The following CAST variants were observed in gnomAD, a reference collection of about 807,000 sequenced individuals.
CAST encodes the protein MIR583 host.
Under a neutral mutation model 119.6 loss-of-function variants are expected in CAST, and 76 were observed. That is an observed-to-expected ratio of 0.64 (90% CI 0.53 to 0.77). The LOEUF (loss-of-function observed/expected upper bound fraction) is 0.77, where lower values mean the gene tolerates loss of function less well. Ranked by LOEUF, CAST falls within the 30% of genes least tolerant of loss-of-function variation. CAST has a pLI of 0.00. For missense variants in CAST, 953 were observed against 946.5 expected (o/e 1.01, Z -0.09); for synonymous variants, 319 against 331.6 (o/e 0.96, Z 0.41).
chr5:96,470,580 CAA>C, the CAST span, among the ~76,000 whole-genome samples: 1 of 152,082 alleles, frequency 6.6e-6, no homozygotes, highest in South Asian at 2.1e-4. Context: ...AACTGGTCTT[CAA>C]AGTAGAATAC....
chr5:96,047,900 T>A, the CAST span, among the ~76,000 whole-genome samples: 28 of 152,154 alleles, frequency 1.8e-4, no homozygotes, highest in African/African-American at 6.3e-4. Flanking sequence ...AGGAAGAAGG[T>A]AGTAAAGAAC....
intron 1 of CAST, among the ~76,000 whole-genome samples, chr5:96,576,148 A>G (rs188203783): frequency 6.8e-4 from 104 of 152,296 alleles, no homozygotes; most frequent in African/African-American, 2.4e-3. Flanking sequence ...GTCTAATTTC[A>G]TAACAGATAT....
At chr5:96,703,079 G>C (rs1561490737) in intron 3 of CAST, among the ~76,000 whole-genome samples, 1 of 152,144 alleles carries the variant, frequency 6.6e-6, no homozygotes, top group Non-Finnish European at 1.5e-5. Flanking sequence ...TGGCGATACC[G>C]TGCGTTCTGA....
the CAST span, among the ~76,000 whole-genome samples, chr5:95,963,513 T>C: frequency 6.6e-6 from 1 of 152,254 alleles, no homozygotes; most frequent in African/African-American, 2.4e-5. Flanking sequence ...TCATTTACTT[T>C]AGTGATACAG....
At chr5:96,121,005 TAA>T in the CAST span, among the ~76,000 whole-genome samples, 1 of 152,040 alleles carries the variant, frequency 6.6e-6, no homozygotes, top group Non-Finnish European at 1.5e-5. Flanking sequence ...CCACCTTGTT[TAA>T]AAAGTCAAGA....
At chr5:96,239,461 G>A in the CAST span, among the ~76,000 whole-genome samples, 1 of 151,842 alleles carries the variant, frequency 6.6e-6, no homozygotes, top group Non-Finnish European at 1.5e-5. Flanking sequence ...TTTTTTGGGG[G>A]GAGTATAAAC....
intron 17 of CAST, among the ~76,000 whole-genome samples, chr5:96,746,898 G>C (rs933193589): frequency 6.6e-6 from 1 of 152,094 alleles, no homozygotes; most frequent in Non-Finnish European, 1.5e-5. Flanking sequence ...ATTTACTTTT[G>C]AAATCATGCA....
At chr5:96,696,622 G>C (rs1753319422) in intron 3 of CAST, among the ~76,000 whole-genome samples, 1 of 146,946 alleles carries the variant, frequency 6.8e-6, no homozygotes, top group Non-Finnish European at 1.5e-5. Context: ...GGATCACCAG[G>C]AGGATCACTT....
At chr5:96,305,066 T>G in the CAST span, among the ~76,000 whole-genome samples, 1 of 152,226 alleles carries the variant, frequency 6.6e-6, no homozygotes, top group Non-Finnish European at 1.5e-5. Context: ...ATGATATTGA[T>G]TCTTCCTATC....
At chr5:96,460,263 A>T in the CAST span, among the ~76,000 whole-genome samples, 1 of 152,176 alleles carries the variant, frequency 6.6e-6, no homozygotes, top group South Asian at 2.1e-4. Flanking sequence ...GAGAAGAGTC[A>T]CTTGAGACCG....
rs760623384 is a variant in CAST at position 96,750,570 on chromosome 5, C to T, written c.1429-17C>T. 2 of 1,559,416 alleles carry T rather than the reference C, an allele frequency of 1.3e-6. No individual in the cohort carries two copies. The highest frequency in any genetic ancestry group is 2.2e-5 in the South Asian group (2 of 89,920). ...AATATTTCTAAACTTATTGAGAGTACTTGTGTCTTTCCTCAGGAATCTAAG... is the reference window on the plus strand; with the variant it reads ...AATATTTCTAAACTTATTGAGAGTATTTGTGTCTTTCCTCAGGAATCTAAG... On this transcript the variant is annotated splice_polypyrimidine_tract_variant and intron_variant, in intron 19 of 31. Transcript: ENST00000675179.
At chr5:96,415,686 G>A in the CAST span, among the ~76,000 whole-genome samples, 7 of 152,160 alleles carry the variant, frequency 4.6e-5, no homozygotes, top group African/African-American at 1.7e-4. Context: ...GGCAGGAAAA[G>A]TCTTTGCCTA....
At chr5:96,050,199 G>A in the CAST span, 1 of 152,404 alleles carries the variant, frequency 6.6e-6, no homozygotes, top group African/African-American at 2.4e-5. Flanking sequence ...GAGTGGACAG[G>A]AGGTAAGAAG....
At chr5:96,342,198 G>T in the CAST span, among the ~76,000 whole-genome samples, 1 of 152,152 alleles carries the variant, frequency 6.6e-6, no homozygotes, top group Non-Finnish European at 1.5e-5. Context: ...TTCCTCTGAG[G>T]ACACATGGGA....
chr5:96,432,969 G>A, the CAST span: 1 of 1,614,216 alleles, frequency 6.2e-7, no homozygotes, highest in Non-Finnish European at 8.5e-7. Context: ...TTTCGCTTTT[G>A]CACTGTTCAG....
At chr5:96,134,103 A>G in the CAST span, among the ~76,000 whole-genome samples, 1 of 152,152 alleles carries the variant, frequency 6.6e-6, no homozygotes, top group African/African-American at 2.4e-5. Context: ...GTTGGTAACA[A>G]TTAATCACAA....
the CAST span, among the ~76,000 whole-genome samples, chr5:96,444,099 C>A: frequency 6.6e-6 from 1 of 152,192 alleles, no homozygotes; most frequent in Admixed American, 6.5e-5. Context: ...GTCACAGAAG[C>A]AGCCACAGGG....
the CAST span, among the ~76,000 whole-genome samples, chr5:96,217,601 C>T: frequency 6.6e-6 from 1 of 152,116 alleles, no homozygotes; most frequent in Non-Finnish European, 1.5e-5. Flanking sequence ...CTGGATCACA[C>T]TTGTGAACCA....
At chr5:96,551,114 G>C (rs1746117787) in intron 1 of CAST, among the ~76,000 whole-genome samples, 1 of 152,072 alleles carries the variant, frequency 6.6e-6, no homozygotes, top group Admixed American at 6.6e-5. Context: ...ACACATAATT[G>C]TCAGATTCAC....
Sources: allele counts gnomAD v4.1 joint callset (sites outside exome capture counted in the v4.1 genomes callset), GRCh38; gene constraint gnomAD v4.1.1; transcripts MANE v1.5; gene names NCBI Gene and HGNC (gene_info 2026-07-23, HGNC 2026-07-21).